FSTL4: variants seen among roughly 807,000 people sequenced by gnomAD.
FSTL4 encodes follistatin like 4.
A neutral mutation model predicts 78.2 loss-of-function variants in FSTL4; 28 were observed. The observed-to-expected ratio is 0.36, with a 90% CI of 0.27 to 0.49. The LOEUF (loss-of-function observed/expected upper bound fraction) is 0.49. FSTL4 is among the 20% of genes least tolerant of loss of function. FSTL4 has a pLI of 0.98. For missense variants in FSTL4, 922 were observed against 1,084.9 expected (o/e 0.85, Z 2.11); for synonymous variants, 422 against 440.5 (o/e 0.96, Z 0.53).
At chr5:133,486,606 A>C (rs527252225) in intron 3 of FSTL4, among the ~76,000 whole-genome samples, 1 of 152,312 alleles carries the variant, frequency 6.6e-6, no homozygotes, top group South Asian at 2.1e-4. Context: ...AGCTACTCTC[A>C]TCTCTTGTGC....
At chr5:133,706,977 C>G in the FSTL4 span, among the ~76,000 whole-genome samples, 6 of 152,190 alleles carry the variant, frequency 3.9e-5, no homozygotes, top group Non-Finnish European at 8.8e-5. Context: ...TAAAGGCACT[C>G]TCTCACACTG....
chr5:133,350,036 G>A (rs1045942179), intron 4 of FSTL4, among the ~76,000 whole-genome samples: 2 of 143,288 alleles, frequency 1.4e-5, no homozygotes, highest in Admixed American at 1.4e-4. Context: ...CGACTGTAAA[G>A]GACCCATAGG....
the FSTL4 span, among the ~76,000 whole-genome samples, chr5:133,818,227 T>G: frequency 6.6e-6 from 1 of 152,192 alleles, no homozygotes. Flanking sequence ...GAGTCAACAA[T>G]GGGCCGTGGA....
At position 133,374,307 on chromosome 5, in the gene FSTL4, T is replaced by C. The variant is rs4958123; in HGVS notation, c.409+26431A>G. Among the ~76,000 whole-genome samples, 436 of 152,252 alleles carry C rather than the reference T, an allele frequency of 2.9e-3. 1 individual carries two copies. Among genetic ancestry groups the C allele is most frequent in the East Asian group, 0.023 (117 of 5,168 alleles). On this transcript the variant is annotated intron_variant, in intron 4 of 15. Transcript: ENST00000265342. ...AAGTCCCTTTCTGGACAAGGGTCCA[T>C]TGTACTGGTGGAGCTGAAGGGAGGA...
Position 133,500,533 on chromosome 5 carries a change from C to T in FSTL4, c.160+66653G>A, listed in dbSNP as rs116123336. Among the ~76,000 whole-genome samples, 781 of 152,178 alleles carry T rather than the reference C, an allele frequency of 5.1e-3. 4 individuals are homozygous for T. The highest frequency in any genetic ancestry group is 0.017 in the African/African-American group (719 of 41,530). On this transcript the variant is annotated intron_variant, in intron 3 of 15. Transcript: ENST00000265342. ...ACCAGATATGCCTGGAACTTTACCT[C>T]GGCAACAATAAGACCCAGCCTCCTG...
At chr5:133,589,931 T>G (rs1249174192) in intron 2 of FSTL4, among the ~76,000 whole-genome samples, 1 of 152,162 alleles carries the variant, frequency 6.6e-6, no homozygotes, top group African/African-American at 2.4e-5. Flanking sequence ...ATGTGTAAAA[T>G]AAACAAATTA....
At chr5:133,288,927 G>A (rs942739410) in intron 6 of FSTL4, among the ~76,000 whole-genome samples, 12 of 152,220 alleles carry the variant, frequency 7.9e-5, no homozygotes. Flanking sequence ...GTGAGGGTCT[G>A]TCAGAGGCTG....
chr5:133,401,650 G>C (rs942776935), intron 3 of FSTL4, among the ~76,000 whole-genome samples: 6 of 152,200 alleles, frequency 3.9e-5, no homozygotes, highest in Admixed American at 1.3e-4. Flanking sequence ...ATCAGGCAAA[G>C]AGCATGGGAG....
At chr5:133,203,978 A>G (rs942935205) in intron 14 of FSTL4, among the ~76,000 whole-genome samples, 1 of 137,272 alleles carries the variant, frequency 7.3e-6, no homozygotes, top group Non-Finnish European at 1.6e-5. Flanking sequence ...CTAAAGATAG[A>G]TAACTGTCAA....
At chr5:133,408,630 G>A (rs1756420704) in intron 3 of FSTL4, among the ~76,000 whole-genome samples, 1 of 152,184 alleles carries the variant, frequency 6.6e-6, no homozygotes, top group South Asian at 2.1e-4. Context: ...TACGGTACTT[G>A]TGTTGATCCC....
At chr5:133,253,797 A>T (rs184488468) in intron 6 of FSTL4, among the ~76,000 whole-genome samples, 1 of 152,322 alleles carries the variant, frequency 6.6e-6, no homozygotes, top group East Asian at 1.9e-4. Flanking sequence ...TTACCCACAG[A>T]TCACCACATA....
chr5:133,455,325 ATTT>A (rs1347498890), intron 3 of FSTL4, among the ~76,000 whole-genome samples: 3 of 152,214 alleles, frequency 2.0e-5, no homozygotes, highest in African/African-American at 4.8e-5. Context: ...CTTGAGAGGT[ATTT>A]TTATTTCCCA....
the FSTL4 span, among the ~76,000 whole-genome samples, chr5:133,722,874 G>A: frequency 2.1e-4 from 32 of 152,334 alleles, no homozygotes; most frequent in South Asian, 1.2e-3. Flanking sequence ...ATCAATATCA[G>A]TGATGAATGC....
At chr5:133,672,383 C>T in the FSTL4 span, among the ~76,000 whole-genome samples, 1 of 152,196 alleles carries the variant, frequency 6.6e-6, no homozygotes, top group Non-Finnish European at 1.5e-5. Context: ...AGTGAAAAAA[C>T]CCATTTTTGG....
intron 2 of FSTL4, among the ~76,000 whole-genome samples, chr5:133,582,828 C>T (rs1279347631): frequency 3.9e-5 from 6 of 152,168 alleles, no homozygotes; most frequent in Middle Eastern, 3.2e-3. Flanking sequence ...TGTCCTGGGC[C>T]CTGTATGTCC....
At chr5:133,468,324 G>A (rs577283588) in intron 3 of FSTL4, among the ~76,000 whole-genome samples, 20 of 152,222 alleles carry the variant, frequency 1.3e-4, no homozygotes, top group Non-Finnish European at 2.5e-4. Context: ...ATCCCACTGA[G>A]CTAGAACCAG....
intron 2 of FSTL4, among the ~76,000 whole-genome samples, chr5:133,576,813 A>G (rs1027944520): frequency 2.0e-5 from 3 of 152,220 alleles, no homozygotes; most frequent in Admixed American, 2.0e-4. Flanking sequence ...TCTGACATCT[A>G]AGTTCTAAGT....
At chr5:133,350,985 A>G (rs1754809001) in intron 4 of FSTL4, among the ~76,000 whole-genome samples, 1 of 152,256 alleles carries the variant, frequency 6.6e-6, no homozygotes. Flanking sequence ...GTGTCCAGGT[A>G]ACTTCAAGAT....
chr5:133,730,856 A>G, the FSTL4 span, among the ~76,000 whole-genome samples: 2 of 152,230 alleles, frequency 1.3e-5, no homozygotes, highest in Non-Finnish European at 2.9e-5. Flanking sequence ...AGTGAAACAA[A>G]CAAACAAAAA....
Sources: gnomAD v4.1 joint callset for allele counts (sites outside exome capture counted in the v4.1 genomes callset) on GRCh38, gnomAD v4.1.1 for gene constraint, MANE v1.5 for transcripts, NCBI Gene and HGNC (gene_info 2026-07-23, HGNC 2026-07-21) for gene names.